The following PPFIA2 variants were observed in gnomAD, a reference collection of about 807,000 sequenced individuals.
PPFIA2 encodes liprin-alpha-2.
PPFIA2 carries 46 observed loss-of-function variants against 175.5 expected under a neutral mutation model. The ratio of observed to expected loss-of-function variants is 0.26; its 90% CI spans 0.21 to 0.34. The LOEUF (loss-of-function observed/expected upper bound fraction) is 0.34. PPFIA2 is among the 10% of genes least tolerant of loss of function. PPFIA2 has a pLI of 1.00. For synonymous variants in PPFIA2, 568 were observed against 511.4 expected, an observed-to-expected ratio of 1.11 and a Z score of -1.49; for missense variants, 1,179 against 1,506.1, an observed-to-expected ratio of 0.78 and a Z score of 3.60.
intron 4 of PPFIA2, chr12:81,512,237 T>G: frequency 9.3e-7 from 1 of 1,075,920 alleles, no homozygotes; most frequent in African/African-American, 1.6e-5. Context: ...GGCTCCCTAA[T>G]GCCTTCATTA....
chr12:81,594,261 C>T (rs1024971021), intron 4 of PPFIA2, among the ~76,000 whole-genome samples: 9 of 152,050 alleles, frequency 5.9e-5, no homozygotes, highest in African/African-American at 1.2e-4. Flanking sequence ...ATTTTAAGCA[C>T]GGAAGCAGGA....
chr12:81,623,342 G>T (rs1265880282), intron 4 of PPFIA2, among the ~76,000 whole-genome samples: 1 of 151,938 alleles, frequency 6.6e-6, no homozygotes, highest in African/African-American at 2.4e-5. Flanking sequence ...TAAAAAGAGA[G>T]AATACAAATA....
At chr12:81,326,799 C>A (rs1035563686) in intron 21 of PPFIA2, among the ~76,000 whole-genome samples, 3 of 151,866 alleles carry the variant, frequency 2.0e-5, no homozygotes, top group African/African-American at 7.2e-5. Context: ...AAGGTATATA[C>A]TTTTTTTAAT....
At chr12:81,529,159 C>G (rs922379131) in intron 4 of PPFIA2, among the ~76,000 whole-genome samples, 12 of 151,964 alleles carry the variant, frequency 7.9e-5, no homozygotes, top group African/African-American at 2.7e-4. Flanking sequence ...AAAGATAAAA[C>G]TGACAACCCT....
rs1334586056 is a variant in PPFIA2 at position 81,674,918 on chromosome 12, G to C, written c.303+1873C>G. On this transcript the variant is annotated intron_variant, in intron 4 of 32. Coordinates refer to ENST00000549396, the MANE Select transcript of PPFIA2 (RefSeq NM_003625.5). The stretch of plus-strand genomic sequence containing the variant: ...AGCTCCCGGCAGTATGTTCTAGATA[G>C]CTCCTTAACAATGGGAGACACTAAA... Among the ~76,000 whole-genome samples the C allele has an allele frequency of 3.3e-5, 5 of 151,870 alleles. No homozygotes were observed. In the East Asian group the frequency reaches 9.7e-4, roughly 29 times the overall value.
chr12:81,627,570 A>C (rs372980937), intron 4 of PPFIA2, among the ~76,000 whole-genome samples: 1 of 152,170 alleles, frequency 6.6e-6, no homozygotes, highest in African/African-American at 2.4e-5. Context: ...TATATCTATT[A>C]CATAACTCTC....
chr12:81,493,930 A>C (rs2059723840), intron 4 of PPFIA2, among the ~76,000 whole-genome samples: 1 of 151,596 alleles, frequency 6.6e-6, no homozygotes, highest in East Asian at 1.9e-4. Context: ...TATTATTAGA[A>C]ATTTCAGAAA....
chr12:81,322,369 A>C (rs989816062), intron 22 of PPFIA2, among the ~76,000 whole-genome samples: 4 of 152,194 alleles, frequency 2.6e-5, no homozygotes, highest in Admixed American at 6.5e-5. Flanking sequence ...AGAGTGATGG[A>C]TAAGATCTCA....
intron 2 of PPFIA2, among the ~76,000 whole-genome samples, chr12:81,754,650 C>G (rs1366610003): frequency 6.6e-6 from 1 of 152,188 alleles, no homozygotes; most frequent in Non-Finnish European, 1.5e-5. Flanking sequence ...TAATGGCAAG[C>G]ACAGTGTCTG....
chr12:81,523,950 T>C (rs2063455732), intron 4 of PPFIA2, among the ~76,000 whole-genome samples: 1 of 152,200 alleles, frequency 6.6e-6, no homozygotes, highest in East Asian at 1.9e-4. Flanking sequence ...CTTTGGACCA[T>C]CTAATTACCT....
At position 81,641,130 on chromosome 12, in the gene PPFIA2, C is replaced by A. The variant is rs539291249; in HGVS notation, c.303+35661G>T. 2.0e-5 allele frequency among the ~76,000 whole-genome samples: 3 copies of A among 152,070 alleles called. 1 individual carries two copies. In the South Asian group the frequency reaches 6.2e-4, roughly 31 times the overall value. On this transcript the variant is annotated intron_variant, in intron 4 of 32. Coordinates refer to ENST00000549396, the MANE Select transcript of PPFIA2 (RefSeq NM_003625.5). ...TGGGAACATTTCAAATCTTCTCTTCCAGCTATTTTGAAATATATAACAGGT... is the reference window on the plus strand; with the variant it reads ...TGGGAACATTTCAAATCTTCTCTTCAAGCTATTTTGAAATATATAACAGGT...
chr12:81,302,406 G>A (rs2048075119), intron 22 of PPFIA2, among the ~76,000 whole-genome samples: 1 of 152,100 alleles, frequency 6.6e-6, no homozygotes, highest in Non-Finnish European at 1.5e-5. Flanking sequence ...TAACACAATT[G>A]TTTGGGAAAT....
chr12:81,304,697 G>A (rs773979292), intron 22 of PPFIA2, among the ~76,000 whole-genome samples: 4 of 152,034 alleles, frequency 2.6e-5, no homozygotes, highest in Non-Finnish European at 5.9e-5. Flanking sequence ...AAGCCAAGAA[G>A]GGCCAGTGTG....
chr12:81,531,164 C>A (rs139344210), intron 4 of PPFIA2, among the ~76,000 whole-genome samples: 16 of 151,912 alleles, frequency 1.1e-4, no homozygotes, highest in Non-Finnish European at 1.3e-4. Flanking sequence ...TTATTCCCAG[C>A]GAATAGAAGC....
chr12:81,474,308 C>T (rs1028018708), intron 4 of PPFIA2, among the ~76,000 whole-genome samples: 10 of 152,228 alleles, frequency 6.6e-5, no homozygotes, highest in South Asian at 4.1e-4. Context: ...AGGCATCTAC[C>T]GCCAAGCACA....
intron 3 of PPFIA2, among the ~76,000 whole-genome samples, chr12:81,683,311 C>A (rs753460264): frequency 6.7e-6 from 1 of 149,612 alleles, no homozygotes; most frequent in Non-Finnish European, 1.5e-5. Flanking sequence ...ATCCCTTGTA[C>A]TATATCAATA....
At position 81,396,622 on chromosome 12, in the gene PPFIA2, T is replaced by A. The variant is rs570747316; in HGVS notation, c.762+9165A>T. 6.6e-5 allele frequency among the ~76,000 whole-genome samples: 10 copies of A among 152,190 alleles called. No individual in the cohort carries two copies. The South Asian group carries it at 2.1e-3, about 31-fold the overall frequency. ...CAGACGATTGATGTGTTCAGATATATGGTTTAAAACATCACTCTTGTATCA... is the reference window on the plus strand; with the variant it reads ...CAGACGATTGATGTGTTCAGATATAAGGTTTAAAACATCACTCTTGTATCA... On this transcript the variant is annotated intron_variant, in intron 8 of 32. Coordinates refer to ENST00000549396, the MANE Select transcript of PPFIA2 (RefSeq NM_003625.5).
intron 4 of PPFIA2, among the ~76,000 whole-genome samples, chr12:81,536,640 A>G (rs1295718471): frequency 2.0e-5 from 3 of 149,472 alleles, no homozygotes; most frequent in Non-Finnish European, 4.5e-5. Flanking sequence ...ACCAATTAGT[A>G]ATAAATATAT....
chr12:81,327,878 C>A (rs2055162055), intron 21 of PPFIA2, among the ~76,000 whole-genome samples: 1 of 151,946 alleles, frequency 6.6e-6, no homozygotes. Context: ...CTTAGAAATA[C>A]TCGGAGTATT....
Sources: gnomAD v4.1 joint callset for allele counts (sites outside exome capture counted in the v4.1 genomes callset) on GRCh38, gnomAD v4.1.1 for gene constraint, MANE v1.5 for transcripts, NCBI Gene and HGNC (gene_info 2026-07-23, HGNC 2026-07-21) for gene names.